The following AKAP9 variants were observed in gnomAD, a reference collection of about 807,000 sequenced individuals.
AKAP9 encodes the protein A-kinase anchor protein 9.
Under a neutral mutation model 488.5 loss-of-function variants are expected in AKAP9, and 311 were observed. The ratio of observed to expected loss-of-function variants is 0.64; its 90% CI spans 0.58 to 0.70. The LOEUF is 0.70. Among genes scored for constraint, AKAP9 ranks in the 30% least tolerant of loss-of-function variants. The probability of loss-of-function intolerance (pLI) is 0.00; values close to 1 mark genes in which losing one functional copy is unlikely to be tolerated. For synonymous variants in AKAP9, 1,462 were observed against 1,483.5 expected, an observed-to-expected ratio of 0.99 and a Z score of 0.33; for missense variants, 4,215 against 4,374.5, an observed-to-expected ratio of 0.96 and a Z score of 1.03.
chr7:92,016,914 G>A lies in AKAP9; in HGVS notation c.3752-103G>A. ...ACTAAATATCTGAGGTTTACTTCTA[G>A]CAGGCAATTTTTTTAAGTTATAAAT... On this transcript the variant is annotated intron_variant, in intron 11 of 49. Transcript: ENST00000356239. 7.1e-6 allele frequency: 6 copies of A among 846,416 alleles called. No individual in the cohort carries two copies. The South Asian group carries it at 9.4e-5, about 13-fold the overall frequency. The allele number at this position is 846,416 out of a possible 1,614,324, so 52.4% of individuals were successfully genotyped here. A position where few individuals can be genotyped will look rare whatever the true frequency, so the allele number is the denominator to read the frequency against.
intron 19 of AKAP9, 70 bp downstream of exon 19, chr7:92,042,256 T>G: frequency 6.3e-7 from 1 of 1,597,222 alleles, no homozygotes; most frequent in Non-Finnish European, 8.6e-7. Context: ...GTCTTTGTTG[T>G]TGGTATGAGA....
At chr7:92,087,642 C>CT (rs1486701664) in intron 37 of AKAP9, among the ~76,000 whole-genome samples, 35 of 151,920 alleles carry the variant, frequency 2.3e-4, no homozygotes, top group African/African-American at 8.4e-4. Context: ...TCTTGTAGAA[C>CT]TGATGATTCT....
intron 46 of AKAP9, among the ~76,000 whole-genome samples, chr7:92,104,804 T>C (rs1818261423): frequency 6.6e-6 from 1 of 152,194 alleles, no homozygotes; most frequent in Admixed American, 6.5e-5. Flanking sequence ...TAAACCAGGG[T>C]AAGTGCTGGT....
At chr7:92,039,948 C>G (rs2130779812) in intron 17 of AKAP9, among the ~76,000 whole-genome samples, 1 of 152,270 alleles carries the variant, frequency 6.6e-6, no homozygotes, top group African/African-American at 2.4e-5. Flanking sequence ...GCACTCCAGC[C>G]TGGGTGACAC....
At chr7:92,093,475 T>A (rs1816000310) in intron 39 of AKAP9, among the ~76,000 whole-genome samples, 159 bp downstream of exon 39, 1 of 152,206 alleles carries the variant, frequency 6.6e-6, no homozygotes, top group Non-Finnish European at 1.5e-5. Context: ...TCTAAATGTT[T>A]CCAAATGATG....
chr7:92,085,361 G>A, intron 35 of AKAP9, 134 bp from the exon 36 acceptor site: 1 of 830,014 alleles, frequency 1.2e-6, no homozygotes, highest in Non-Finnish European at 2.0e-6. Flanking sequence ...ACAGGAAGAA[G>A]GCATTCAGTA....
At chr7:92,099,957 G>A (rs1817246168) in intron 44 of AKAP9, 88 bp downstream of exon 44, 2 of 1,298,180 alleles carry the variant, frequency 1.5e-6, no homozygotes, top group Non-Finnish European at 2.2e-6. Context: ...TCCTGTTAAT[G>A]TAAAACTATC....
intron 32 of AKAP9, among the ~76,000 whole-genome samples, 165 bp downstream of exon 32, chr7:92,082,827 A>C (rs934218221): frequency 1.3e-5 from 2 of 152,208 alleles, no homozygotes; most frequent in Admixed American, 6.5e-5. Flanking sequence ...TTCTTTACCA[A>C]CATCTTCTTG....
intron 38 of AKAP9, 87 bp downstream of exon 38, chr7:92,089,616 C>A: frequency 7.2e-7 from 1 of 1,386,168 alleles, no homozygotes; most frequent in Non-Finnish European, 1.0e-6. Flanking sequence ...TAAGTTAAAA[C>A]ATATTTTCTT....
chr7:92,003,460 C>T (rs1799419427), intron 8 of AKAP9, among the ~76,000 whole-genome samples: 1 of 151,624 alleles, frequency 6.6e-6, no homozygotes, highest in Admixed American at 6.6e-5. Flanking sequence ...ATATTCTGCT[C>T]AGGAAATAAA....
chr7:91,996,362 G>A (rs1442323044), intron 7 of AKAP9, among the ~76,000 whole-genome samples: 1 of 152,126 alleles, frequency 6.6e-6, no homozygotes, highest in Admixed American at 6.6e-5. Context: ...CATCCTGGAA[G>A]ATTCTTTTTC....
intron 38 of AKAP9, 88 bp downstream of exon 38, chr7:92,089,617 A>G (rs889786899): frequency 1.4e-6 from 2 of 1,381,976 alleles, no homozygotes; most frequent in Non-Finnish European, 2.0e-6. Flanking sequence ...AAGTTAAAAC[A>G]TATTTTCTTG....
chr7:91,940,973 AGC>A lies in AKAP9; in HGVS notation c.-124_-123del, dbSNP rs1442604201. ...AGACTGCTTCCACTTCGGGCGGGGG[AGC>A]GCCGGACCGAATCGGCTCTCTAGGC... On this transcript the variant is annotated 5_prime_UTR_variant, in exon 1 of 50. Transcript: ENST00000356239. The A allele has an allele frequency of 2.0e-5, 19 of 971,160 alleles. No individual in the cohort carries two copies. Among genetic ancestry groups the A allele is most frequent in the African/African-American group, 3.2e-5 (2 of 62,150 alleles). The allele number at this position is 971,160 out of a possible 1,614,324, so 60.2% of individuals were successfully genotyped here. A position where few individuals can be genotyped will look rare whatever the true frequency, so the allele number is the denominator to read the frequency against.
Position 92,011,096 on chromosome 7 carries a change from A to G in AKAP9, c.3319-1333A>G, listed in dbSNP as rs1800689974. 2.0e-5 allele frequency among the ~76,000 whole-genome samples: 3 copies of G among 152,204 alleles called. No homozygotes were observed. In the South Asian group the frequency reaches 6.2e-4, roughly 31 times the overall value. On this transcript the variant is annotated intron_variant, in intron 8 of 49. Transcript: ENST00000356239. ...TTCATTAAAACATTTAGCAGATAAC[A>G]TTTCTAATAGTGAAATTTAGAAGCA...
At chr7:92,078,561 G>A (rs1251693881) in intron 30 of AKAP9, among the ~76,000 whole-genome samples, 1 of 148,886 alleles carries the variant, frequency 6.7e-6, no homozygotes, top group Non-Finnish European at 1.5e-5. Flanking sequence ...GACAGAGTGA[G>A]ACCCTGTCTC....
At chr7:92,054,887 CTT>C (rs1386055095) in intron 22 of AKAP9, among the ~76,000 whole-genome samples, 2 of 151,954 alleles carry the variant, frequency 1.3e-5, no homozygotes, top group Non-Finnish European at 2.9e-5. Context: ...GAGGTAATCT[CTT>C]TAACACAATC....
Position 92,065,397 on chromosome 7 carries a change from A to G in AKAP9, c.6144A>G (p.Leu2048=). ...TGGAACAAGAAAAAAATACTGAACT[A>G]ATGGATTTAAGACAGCAAAACCAAG... is the stretch of plus-strand genomic sequence containing the variant. ...IELEQEKNTE[L]MDLRQQNQAL... Residue 2048 remains leucine (L), a synonymous_variant, in exon 25 of 50, where the codon CTA becomes CTG. Transcript: ENST00000356239. The G allele has an allele frequency of 6.2e-7, 1 of 1,613,192 alleles. No individual in the cohort carries two copies. Among genetic ancestry groups the G allele is most frequent in the Non-Finnish European group, 8.5e-7 (1 of 1,179,502 alleles).
chr7:92,016,087 A>C, intron 10 of AKAP9, 42 bp from the exon 11 acceptor site: 1 of 1,539,528 alleles, frequency 6.5e-7, no homozygotes, highest in African/African-American at 1.4e-5. Flanking sequence ...AGCAGAAATC[A>C]AAATTTAAAT....
intron 37 of AKAP9, among the ~76,000 whole-genome samples, chr7:92,086,894 A>G (rs1311894068): frequency 6.6e-6 from 1 of 152,000 alleles, no homozygotes. Flanking sequence ...ACTATAACTC[A>G]TGCCTGAAAA....
Sources: gnomAD v4.1 joint callset for allele counts (sites outside exome capture counted in the v4.1 genomes callset) on GRCh38, gnomAD v4.1.1 for gene constraint, MANE v1.5 for transcripts, NCBI Gene and HGNC (gene_info 2026-07-23, HGNC 2026-07-21) for gene names.